The following MEGF10 variants were observed in gnomAD, a reference collection of about 807,000 sequenced individuals.
The protein encoded by MEGF10 is multiple EGF like domains 10.
MEGF10 carries 86 observed loss-of-function variants against 147.5 expected under a neutral mutation model. The ratio of observed to expected loss-of-function variants is 0.58; its 90% CI spans 0.49 to 0.70. The LOEUF is 0.70. MEGF10 is among the 30% of genes least tolerant of loss of function. The pLI is 0.00. For missense variants in MEGF10, 1,329 were observed against 1,487.3 expected (o/e 0.89, Z 1.75); for synonymous variants, 478 against 525.5 (o/e 0.91, Z 1.24).
chr5:127,297,855 C>A (rs1289526778), intron 1 of MEGF10, among the ~76,000 whole-genome samples: 3 of 152,178 alleles, frequency 2.0e-5, no homozygotes, highest in African/African-American at 4.8e-5. Flanking sequence ...CTCCCTATTC[C>A]ATGAGAAGGT....
chr5:127,456,245 T>A (rs1406416169), intron 24 of MEGF10, among the ~76,000 whole-genome samples: 1 of 152,214 alleles, frequency 6.6e-6, no homozygotes, highest in East Asian at 1.9e-4. Context: ...TTGAAACATT[T>A]TACTTTTAAA....
Position 127,443,019 on chromosome 5 carries a change from G to C in MEGF10, c.2384G>C (p.Gly795Ala). 6.2e-7 allele frequency: 1 copy of C among 1,613,342 alleles called. No individual in the cohort carries two copies. Among genetic ancestry groups the C allele is most frequent in the Non-Finnish European group, 8.5e-7 (1 of 1,179,504 alleles). Residue 795 changes from glycine to alanine, a missense_variant, in exon 19 of 25, where the codon GGC (glycine) becomes GCC (alanine). Gly to Ala is a moderately conservative substitution (Grantham distance 60). Transcript: ENST00000503335. ...CEQKCPSGTYGYGCRQICDCL... is the reference protein window; with the variant it reads ...CEQKCPSGTYAYGCRQICDCL... Reference sequence around the variant, plus strand: ...CTAGAGTGCCCTTCAGGAACATATGGCTATGGCTGTCGCCAGATATGTGAT... The same window carrying C: ...CTAGAGTGCCCTTCAGGAACATATGCCTATGGCTGTCGCCAGATATGTGAT...
the MEGF10 span, among the ~76,000 whole-genome samples, chr5:127,273,825 C>T: frequency 6.6e-6 from 1 of 152,142 alleles, no homozygotes; most frequent in South Asian, 2.1e-4. Flanking sequence ...TATGTACAGG[C>T]AGCATATAGG....
intron 5 of MEGF10, among the ~76,000 whole-genome samples, chr5:127,373,622 A>G (rs758745878): frequency 2.0e-5 from 3 of 152,210 alleles, no homozygotes; most frequent in Non-Finnish European, 2.9e-5. Flanking sequence ...TTTATAAACC[A>G]AGATCTAGGT....
chr5:127,245,209 C>T, the MEGF10 span, among the ~76,000 whole-genome samples: 1 of 152,170 alleles, frequency 6.6e-6, no homozygotes, highest in African/African-American at 2.4e-5. Context: ...TCAAACTACA[C>T]TACAAAGCTA....
rs370175634 is a variant in MEGF10 at position 127,366,613 on chromosome 5, C to T, written c.320-3297C>T. On this transcript the variant is annotated intron_variant, in intron 4 of 24. Transcript: ENST00000503335. Reference sequence around the variant, plus strand: ...AGGCAAATTTGTTTTCTGCTAATGACGCATCCACATTTTGTTTCAGACTTT... The same window carrying T: ...AGGCAAATTTGTTTTCTGCTAATGATGCATCCACATTTTGTTTCAGACTTT... Among the ~76,000 whole-genome samples the T allele has an allele frequency of 3.0e-4, 45 of 152,306 alleles. No individual in the cohort carries two copies. The East Asian group carries it at 5.2e-3, about 18-fold the overall frequency.
At chr5:127,243,449 A>G in the MEGF10 span, among the ~76,000 whole-genome samples, 24 of 152,222 alleles carry the variant, frequency 1.6e-4, no homozygotes, top group Non-Finnish European at 3.2e-4. Context: ...TAACTTTCCT[A>G]TTTCTCTGTA....
At chr5:127,311,952 T>A (rs1760305256) in intron 1 of MEGF10, among the ~76,000 whole-genome samples, 1 of 152,218 alleles carries the variant, frequency 6.6e-6, no homozygotes, top group African/African-American at 2.4e-5. Flanking sequence ...CTTCTCAGTG[T>A]TGCGTGCACT....
the MEGF10 span, among the ~76,000 whole-genome samples, chr5:127,272,790 C>T: frequency 6.6e-6 from 1 of 152,188 alleles, no homozygotes; most frequent in African/African-American, 2.4e-5. Flanking sequence ...TATACTGAGA[C>T]TTTGCTGAAG....
At chr5:127,354,326 T>C (rs922281735) in intron 4 of MEGF10, among the ~76,000 whole-genome samples, 1 of 152,240 alleles carries the variant, frequency 6.6e-6, no homozygotes, top group African/African-American at 2.4e-5. Context: ...GGTGGCACTT[T>C]GGGAGTCACA....
intron 22 of MEGF10, among the ~76,000 whole-genome samples, chr5:127,452,752 G>T (rs978895775): frequency 1.3e-5 from 2 of 152,152 alleles, no homozygotes; most frequent in Non-Finnish European, 2.9e-5. Flanking sequence ...CTCCTATTGG[G>T]CAGGACAGTC....
At chr5:127,415,502 G>A (rs1327385642) in intron 9 of MEGF10, among the ~76,000 whole-genome samples, 4 of 152,292 alleles carry the variant, frequency 2.6e-5, no homozygotes, top group Middle Eastern at 3.4e-3. Flanking sequence ...GATGGCATTG[G>A]CTGGAGCAGA....
chr5:127,440,594 G>C, intron 17 of MEGF10, 145 bp from the exon 18 acceptor site: 1 of 788,600 alleles, frequency 1.3e-6, no homozygotes, highest in Non-Finnish European at 2.0e-6. Flanking sequence ...AAGCTCTTGT[G>C]GCAAGCTCAG....
chr5:127,352,991 C>A (rs1210963327), intron 4 of MEGF10, among the ~76,000 whole-genome samples: 2 of 152,220 alleles, frequency 1.3e-5, no homozygotes, highest in East Asian at 3.9e-4. Flanking sequence ...TCTCTCCTCA[C>A]CCCATAGTTC....
chr5:127,435,825 G>T (rs1335912039), intron 16 of MEGF10, among the ~76,000 whole-genome samples: 9 of 152,092 alleles, frequency 5.9e-5, no homozygotes, highest in Non-Finnish European at 1.3e-4. Context: ...TTTATCTGGA[G>T]AGTTAATTAC....
At chr5:127,300,847 G>A (rs1262712534) in intron 1 of MEGF10, among the ~76,000 whole-genome samples, 1 of 152,142 alleles carries the variant, frequency 6.6e-6, no homozygotes, top group Non-Finnish European at 1.5e-5. Context: ...TCTCTAGGCA[G>A]CAACTCCAAT....
intron 5 of MEGF10, among the ~76,000 whole-genome samples, chr5:127,393,160 T>A (rs1580807912): frequency 6.6e-6 from 1 of 152,234 alleles, no homozygotes; most frequent in Non-Finnish European, 1.5e-5. Context: ...AGTCACTTTC[T>A]CTTGTGGAGT....
rs566641712 is a variant in MEGF10, at chr5:127,341,924, A to C, written c.319+1294A>C. On this transcript the variant is annotated intron_variant, in intron 4 of 24. Transcript: ENST00000503335. ...GGTTAAATAATTGTTCATATCCTTCATTAAGTAAAGATAAATTCCTAGCAG... is the reference window on the plus strand; with the variant it reads ...GGTTAAATAATTGTTCATATCCTTCCTTAAGTAAAGATAAATTCCTAGCAG... Among the ~76,000 whole-genome samples the C allele has an allele frequency of 9.2e-5, 14 of 152,292 alleles. No homozygotes were observed. In the South Asian group the frequency reaches 2.9e-3, roughly 32 times the overall value.
At chr5:127,330,024 T>A (rs1761192178) in intron 1 of MEGF10, among the ~76,000 whole-genome samples, 1 of 152,136 alleles carries the variant, frequency 6.6e-6, no homozygotes, top group Admixed American at 6.6e-5. Context: ...TAAACTGAAC[T>A]GAAAGCTTCC....
Sources: allele counts gnomAD v4.1 joint callset (sites outside exome capture counted in the v4.1 genomes callset), GRCh38; gene constraint gnomAD v4.1.1; transcripts MANE v1.5; gene names NCBI Gene and HGNC (gene_info 2026-07-23, HGNC 2026-07-21).